The following KCNC2 variants were observed in gnomAD, a reference collection of about 807,000 sequenced individuals.
The protein encoded by KCNC2 is voltage-gated potassium channel KCNC2.
A neutral mutation model predicts 44.5 loss-of-function variants in KCNC2; 21 were observed. The observed-to-expected ratio is 0.47, with a 90% CI of 0.33 to 0.68. The LOEUF is 0.68. Among genes scored for constraint, KCNC2 ranks in the 30% least tolerant of loss-of-function variants. The pLI is 0.01. For synonymous variants in KCNC2, 391 were observed against 339.1 expected, an observed-to-expected ratio of 1.15 and a Z score of -1.68; for missense variants, 589 against 826.2, an observed-to-expected ratio of 0.71 and a Z score of 3.52.
intron 2 of KCNC2, among the ~76,000 whole-genome samples, chr12:75,178,985 A>AAAACAAAC (rs913037757): frequency 6.6e-6 from 1 of 151,880 alleles, no homozygotes; most frequent in Admixed American, 6.6e-5. Flanking sequence ...TTCCCTATAG[A>AAAACAAAC]AAACAAACAA....
intron 2 of KCNC2, among the ~76,000 whole-genome samples, chr12:75,132,009 G>T (rs1292085216): frequency 1.3e-5 from 2 of 152,144 alleles, no homozygotes; most frequent in Non-Finnish European, 2.9e-5. Context: ...TAATGGAGAA[G>T]CCTTGTCTCT....
At chr12:75,149,940 A>G (rs1385507085) in intron 2 of KCNC2, among the ~76,000 whole-genome samples, 1 of 151,838 alleles carries the variant, frequency 6.6e-6, no homozygotes, top group Non-Finnish European at 1.5e-5. Context: ...CTTTTAACAT[A>G]CTAAATTTGA....
At chr12:75,142,042 C>G (rs1167411402) in intron 2 of KCNC2, among the ~76,000 whole-genome samples, 1 of 152,082 alleles carries the variant, frequency 6.6e-6, no homozygotes, top group Non-Finnish European at 1.5e-5. Flanking sequence ...AGAGGGAATA[C>G]CTGAATTCAA....
intron 4 of KCNC2, among the ~76,000 whole-genome samples, chr12:75,046,515 T>A (rs1880532888): frequency 6.6e-6 from 1 of 151,820 alleles, no homozygotes. Context: ...TAAAAATGTA[T>A]GTAAATTTAA....
intron 2 of KCNC2, among the ~76,000 whole-genome samples, chr12:75,092,414 T>C (rs1236830591): frequency 6.6e-6 from 1 of 151,706 alleles, no homozygotes. Context: ...AATAGACTAA[T>C]GCTTATATGG....
At chr12:75,178,985 AAAAC>A (rs913037757) in intron 2 of KCNC2, among the ~76,000 whole-genome samples, 20 of 151,992 alleles carry the variant, frequency 1.3e-4, no homozygotes, top group Admixed American at 5.2e-4. Context: ...TTCCCTATAG[AAAAC>A]AAACAAACAA....
rs529443875 is a variant in KCNC2 at position 75,121,392 on chromosome 12, G to C, written c.688-70075C>G. 9.9e-5 allele frequency among the ~76,000 whole-genome samples: 15 copies of C among 152,240 alleles called. No homozygotes were observed. The South Asian group carries it at 3.1e-3, about 32-fold the overall frequency. On this transcript the variant is annotated intron_variant, in intron 2 of 4. Transcript: ENST00000549446. ...TGTGAAGCACTAAAGACAATACAGTGAAAAATAGGCATGATCTCTGCCCTC... is the reference window on the plus strand; with the variant it reads ...TGTGAAGCACTAAAGACAATACAGTCAAAAATAGGCATGATCTCTGCCCTC...
At chr12:75,178,512 G>T (rs77970275) in intron 2 of KCNC2, among the ~76,000 whole-genome samples, 60 of 152,038 alleles carry the variant, frequency 3.9e-4, no homozygotes, top group African/African-American at 1.4e-3. Flanking sequence ...TAACAATTTT[G>T]CAAAGACTTC....
At chr12:75,072,082 A>G (rs1211582523) in intron 2 of KCNC2, among the ~76,000 whole-genome samples, 1 of 152,140 alleles carries the variant, frequency 6.6e-6, no homozygotes, top group Non-Finnish European at 1.5e-5. Context: ...TATAGAGTCA[A>G]TTTGATATAT....
At position 75,041,417 on chromosome 12, in the gene KCNC2, C is replaced by T. The variant is rs146452091; in HGVS notation, c.*1688G>A. On this transcript the variant is annotated 3_prime_UTR_variant, in exon 5 of 5. Transcript: ENST00000549446. Reference sequence around the variant, plus strand: ...TGGGGATATAGAGTAATACATGTTTCGTGGCCAATAATAAAAGTGACAATT... The same window carrying T: ...TGGGGATATAGAGTAATACATGTTTTGTGGCCAATAATAAAAGTGACAATT... 1.0e-3 allele frequency: 1,351 copies of T among 1,289,114 alleles called. 20 individuals carry two copies. In the African/African-American group the frequency reaches 0.017, roughly 17 times the overall value. The allele number at this position is 1,289,114 out of a possible 1,614,324, so 79.9% of individuals were successfully genotyped here.
chr12:75,207,280 G>C lies in KCNC2; in HGVS notation c.687+17C>G. The C allele has an allele frequency of 2.6e-6, 4 of 1,520,130 alleles. No homozygotes were observed. The highest frequency in any genetic ancestry group is 3.5e-6 in the Non-Finnish European group (4 of 1,138,900). The allele number at this position is 1,520,130 out of a possible 1,614,324, so 94.2% of individuals were successfully genotyped here. A position where few individuals can be genotyped will look rare whatever the true frequency, so the allele number is the denominator to read the frequency against. ...GAGAAGTTGAAGCAGCAGGGAAGGG[G>C]TCGATTCTGGCCTTACCCTGGCGGC... is the stretch of plus-strand genomic sequence containing the variant. On this transcript the variant is annotated intron_variant, in intron 2 of 4. Coordinates refer to ENST00000549446, the MANE Select transcript of KCNC2 (RefSeq NM_139137.4). The surrounding 1 kb of genome is among the most constrained non-coding windows in gnomAD (Gnocchi z 4.1).
intron 2 of KCNC2, among the ~76,000 whole-genome samples, chr12:75,097,624 T>C (rs1886042656): frequency 6.6e-6 from 1 of 152,022 alleles, no homozygotes; most frequent in Non-Finnish European, 1.5e-5. Flanking sequence ...AAAAGGCCCA[T>C]TACAAAAAAG....
In KCNC2 at chr12:75,043,040, A is replaced by G. The variant is rs976575821; in HGVS notation, c.*65T>C. On this transcript the variant is annotated 3_prime_UTR_variant, in exon 5 of 5. Coordinates refer to ENST00000549446, the MANE Select transcript of KCNC2 (RefSeq NM_139137.4). ...AGTAACTCTACATTTAATTATTTCC[A>G]TTATGGGGTAAACAGCACTTGAATT... 3.8e-6 allele frequency: 6 copies of G among 1,594,698 alleles called. No individual in the cohort carries two copies. The African/African-American group carries it at 8.1e-5, about 22-fold the overall frequency.
chr12:75,060,848 T>C (rs1882247919), intron 2 of KCNC2, among the ~76,000 whole-genome samples: 1 of 152,096 alleles, frequency 6.6e-6, no homozygotes, highest in Admixed American at 6.6e-5. Context: ...GAATATCACC[T>C]CTCCTATCAT....
chr12:75,134,866 T>C (rs1394249056), intron 2 of KCNC2, among the ~76,000 whole-genome samples: 1 of 152,000 alleles, frequency 6.6e-6, no homozygotes, highest in East Asian at 1.9e-4. Context: ...TGATTCATAT[T>C]ATGCTTCTCC....
At chr12:75,052,052 A>G (rs12312609) in intron 2 of KCNC2, among the ~76,000 whole-genome samples, 6,671 of 152,132 alleles carry the variant, frequency 0.044, 442 homozygotes, top group African/African-American at 0.15. Context: ...CTTAAATTCA[A>G]TTCATTTCTT....
intron 2 of KCNC2, among the ~76,000 whole-genome samples, chr12:75,085,653 T>C (rs1318674560): frequency 6.6e-6 from 1 of 152,028 alleles, no homozygotes; most frequent in African/African-American, 2.4e-5. Context: ...ATATCTTCAA[T>C]GAATGAATAT....
intron 2 of KCNC2, among the ~76,000 whole-genome samples, chr12:75,124,516 G>T (rs906053608): frequency 6.6e-6 from 1 of 152,038 alleles, no homozygotes; most frequent in East Asian, 1.9e-4. Flanking sequence ...GATATCCCTC[G>T]CAGATGTATG....
chr12:75,125,362 C>T (rs1888342246), intron 2 of KCNC2, among the ~76,000 whole-genome samples: 1 of 152,146 alleles, frequency 6.6e-6, no homozygotes, highest in Non-Finnish European at 1.5e-5. Flanking sequence ...CAAAATTAGA[C>T]AAACCGCTTT....
Sources: gnomAD v4.1 joint callset for allele counts (sites outside exome capture counted in the v4.1 genomes callset) on GRCh38, gnomAD v4.1.1 for gene constraint, Gnocchi (gnomAD v3.1) non-coding constraint, MANE v1.5 for transcripts, NCBI Gene and HGNC (gene_info 2026-07-23, HGNC 2026-07-21) for gene names.